Variants in EPS8 observed in about 807,000 individuals in gnomAD.
The protein encoded by EPS8 is EGFR pathway substrate 8, signaling adaptor.
Under a neutral mutation model 103.8 loss-of-function variants are expected in EPS8, and 42 were observed. The ratio of observed to expected loss-of-function variants is 0.40; its 90% CI spans 0.32 to 0.52. The LOEUF (loss-of-function observed/expected upper bound fraction) is 0.52, where lower values mean the gene tolerates loss of function less well. EPS8 is among the 20% of genes least tolerant of loss of function. The pLI is 0.40. For missense variants in EPS8, 969 were observed against 1,005.1 expected, an observed-to-expected ratio of 0.96 and a Z score of 0.49; for synonymous variants, 344 against 344.6, an observed-to-expected ratio of 1.00 and a Z score of 0.02.
At position 15,660,757 on chromosome 12, in the gene EPS8, T is replaced by G. The variant is rs762425417; in HGVS notation, c.811-17A>C. ...TAAGATTTGCTGAAATTAGAAATTA[T>G]AGAATAAAATATAAAACAAAACTAT... On this transcript the variant is annotated splice_polypyrimidine_tract_variant and intron_variant, in intron 9 of 20. Transcript: ENST00000281172. 1 of 1,410,050 alleles carries G rather than the reference T, an allele frequency of 7.1e-7. No homozygotes were observed. Among genetic ancestry groups the G allele is most frequent in the Non-Finnish European group, 9.9e-7 (1 of 1,007,314 alleles). 87.3% of individuals were successfully genotyped at this position (1,410,050 alleles called of 1,614,324 possible).
rs1947001616 is a variant in EPS8 at position 15,757,664 on chromosome 12, A to G, written c.-22+31497T>C. ...AAAGAAAAAGAAAAAGAAAAAGATG[A>G]AGTGGCCACCACTTAAGTGATCAAG... On this transcript the variant is annotated intron_variant, in intron 1 of 20. Coordinates refer to ENST00000281172, the MANE Select transcript of EPS8 (RefSeq NM_004447.6). This position sits in a 1 kb window ranked among gnomAD's most constrained non-coding sequence, Gnocchi z 4.1. Among the ~76,000 whole-genome samples, 1 of 152,038 alleles carries G rather than the reference A, an allele frequency of 6.6e-6. No homozygotes were observed.
intron 1 of EPS8, among the ~76,000 whole-genome samples, chr12:15,711,896 C>T (rs1162460042): frequency 6.6e-6 from 1 of 152,176 alleles, no homozygotes; most frequent in Non-Finnish European, 1.5e-5. Context: ...TACCACATTT[C>T]CCAAGACCAA....
intron 13 of EPS8, among the ~76,000 whole-genome samples, chr12:15,653,884 C>T (rs61908118): frequency 1.8e-3 from 279 of 152,244 alleles, no homozygotes; most frequent in Middle Eastern, 3.4e-3. Flanking sequence ...AGCTAACTAC[C>T]CTCCTGTCTA....
At chr12:15,671,608 T>C (rs1945819202) in intron 3 of EPS8, 1 of 152,140 alleles carries the variant, frequency 6.6e-6, no homozygotes, top group South Asian at 2.1e-4. Context: ...TTTTCTTTTC[T>C]GAAATGCTGC....
rs1946301629 is a variant in EPS8 at position 15,700,794 on chromosome 12, C to G, written c.-21-17822G>C. Among the ~76,000 whole-genome samples, 1 of 151,978 alleles carries G rather than the reference C, an allele frequency of 6.6e-6. No homozygotes were observed. Among genetic ancestry groups the G allele is most frequent in the Admixed American group, 6.6e-5 (1 of 15,250 alleles). ...TCACCAAGACCACTTCCTGAAACACCCAATGTTTTTCTTGGAAGGAAGTCC... is the reference window on the plus strand; with the variant it reads ...TCACCAAGACCACTTCCTGAAACACGCAATGTTTTTCTTGGAAGGAAGTCC... On this transcript the variant is annotated intron_variant, in intron 1 of 20. Transcript: ENST00000281172. The surrounding 1 kb of genome is among the most constrained non-coding windows in gnomAD (Gnocchi z 5.1).
rs970205520 is a variant in EPS8, at chr12:15,749,768, T to G, written c.-22+39393A>C. 6.6e-6 allele frequency among the ~76,000 whole-genome samples: 1 copy of G among 152,230 alleles called. No homozygotes were observed. Among genetic ancestry groups the G allele is most frequent in the Non-Finnish European group, 1.5e-5 (1 of 68,044 alleles). Reference sequence around the variant, plus strand: ...AGTGATTACATGTTGAGATTATAGATATTTTCTTCTTTATTTTCTGTTTTC... The same window carrying G: ...AGTGATTACATGTTGAGATTATAGAGATTTTCTTCTTTATTTTCTGTTTTC... On this transcript the variant is annotated intron_variant, in intron 1 of 20. Coordinates refer to ENST00000281172, the MANE Select transcript of EPS8 (RefSeq NM_004447.6). This position sits in a 1 kb window ranked among gnomAD's most constrained non-coding sequence, Gnocchi z 4.0.
intron 11 of EPS8, 118 bp downstream of exon 11, chr12:15,658,379 C>A: frequency 1.3e-6 from 1 of 778,656 alleles, no homozygotes; most frequent in South Asian, 1.9e-5. Flanking sequence ...AAAACATACA[C>A]ACCCCCACAA....
At position 15,696,305 on chromosome 12, in the gene EPS8, T is replaced by A. The variant is rs1049335166; in HGVS notation, c.-21-13333A>T. On this transcript the variant is annotated intron_variant, in intron 1 of 20. Transcript: ENST00000281172. The surrounding 1 kb of genome is among the most constrained non-coding windows in gnomAD (Gnocchi z 4.8). ...ATGAAGAAACACAAAAATAAAACAG[T>A]AAAATCTATAAAACACTAACTTTAG... 6.6e-6 allele frequency among the ~76,000 whole-genome samples: 1 copy of A among 151,918 alleles called. No homozygotes were observed. The highest frequency in any genetic ancestry group is 6.6e-5 in the Admixed American group (1 of 15,232).
chr12:15,772,241 T>C lies in EPS8; in HGVS notation c.-22+16920A>G, dbSNP rs572103201. Among the ~76,000 whole-genome samples, 1 of 152,048 alleles carries C rather than the reference T, an allele frequency of 6.6e-6. No homozygotes were observed. The highest frequency in any genetic ancestry group is 2.1e-4 in the South Asian group (1 of 4,810). Reference sequence around the variant, plus strand: ...TCATTTGGATAAAAGTCACTCCAAGTAGAGAGACAGAAAGAGATGAGGGGG... The same window carrying C: ...TCATTTGGATAAAAGTCACTCCAAGCAGAGAGACAGAAAGAGATGAGGGGG... On this transcript the variant is annotated intron_variant, in intron 1 of 20. Transcript: ENST00000281172. The surrounding 1 kb of genome is among the most constrained non-coding windows in gnomAD (Gnocchi z 5.0).
At position 15,764,404 on chromosome 12, in the gene EPS8, G is replaced by A. The variant is rs1947072449; in HGVS notation, c.-22+24757C>T. Among the ~76,000 whole-genome samples the A allele has an allele frequency of 1.3e-5, 2 of 152,218 alleles. No homozygotes were observed. The highest frequency in any genetic ancestry group is 2.9e-5 in the Non-Finnish European group (2 of 68,034). On this transcript the variant is annotated intron_variant, in intron 1 of 20. Coordinates refer to ENST00000281172, the MANE Select transcript of EPS8 (RefSeq NM_004447.6). The surrounding 1 kb of genome is among the most constrained non-coding windows in gnomAD (Gnocchi z 4.1). The stretch of plus-strand genomic sequence containing the variant: ...TGAATGACAAGTCAAGAGACAATCT[G>A]TTCAAGTCCACAAGGTTCCAGGCAA...
Position 15,780,525 on chromosome 12 carries a change from CACACAG to C in EPS8, c.-22+8630_-22+8635del, listed in dbSNP as rs1947250215. The C allele has an allele frequency of 1.3e-5, 2 of 152,514 alleles. No homozygotes were observed. Among genetic ancestry groups the C allele is most frequent in the South Asian group, 4.2e-4 (2 of 4,804 alleles). 9.4% of individuals were successfully genotyped at this position (152,514 alleles called of 1,614,324 possible). On this transcript the variant is annotated intron_variant, in intron 1 of 20. Coordinates refer to ENST00000281172, the MANE Select transcript of EPS8 (RefSeq NM_004447.6). The surrounding 1 kb of genome is among the most constrained non-coding windows in gnomAD (Gnocchi z 4.1). Reference sequence around the variant, plus strand: ...ACACACACACACACACACACACACACACACAGGCATACACACTTTTCATTTAACATC... The same window carrying C: ...ACACACACACACACACACACACACACGCATACACACTTTTCATTTAACATC...
rs1324357449 is a variant in EPS8, at chr12:15,785,882, C to T, written c.-22+3279G>A. Among the ~76,000 whole-genome samples the T allele has an allele frequency of 6.6e-6, 1 of 151,262 alleles. No homozygotes were observed. Among genetic ancestry groups the T allele is most frequent in the African/African-American group, 2.4e-5 (1 of 41,146 alleles). On this transcript the variant is annotated intron_variant, in intron 1 of 20. Coordinates refer to ENST00000281172, the MANE Select transcript of EPS8 (RefSeq NM_004447.6). The surrounding 1 kb of genome is among the most constrained non-coding windows in gnomAD (Gnocchi z 4.9). ...TAACAAAGTAGCATTGTATTATAAC[C>T]CAAAATATTTAGATAGATAGATAGA...
chr12:15,660,845 C>G, intron 9 of EPS8, 105 bp from the exon 10 acceptor site: 1 of 624,958 alleles, frequency 1.6e-6, no homozygotes, highest in Non-Finnish European at 2.7e-6. Context: ...AGGAAGCAGC[C>G]CACATGCCAA....
rs1326385498 is a variant in EPS8, at chr12:15,787,390, A to T, written c.-22+1771T>A. On this transcript the variant is annotated intron_variant, in intron 1 of 20. Coordinates refer to ENST00000281172, the MANE Select transcript of EPS8 (RefSeq NM_004447.6). The surrounding 1 kb of genome is among the most constrained non-coding windows in gnomAD (Gnocchi z 4.9). ...TTGAAAGCAGGAAAAAGCTAGAAAT[A>T]AAAACAAAATAAATCTTTAAGTTTG... Among the ~76,000 whole-genome samples the T allele has an allele frequency of 6.6e-6, 1 of 152,218 alleles. No homozygotes were observed. The highest frequency in any genetic ancestry group is 2.4e-5 in the African/African-American group (1 of 41,468).
Position 15,780,853 on chromosome 12 carries a change from A to G in EPS8, c.-22+8308T>C, listed in dbSNP as rs1176186325. On this transcript the variant is annotated intron_variant, in intron 1 of 20. Transcript: ENST00000281172. The surrounding 1 kb of genome is among the most constrained non-coding windows in gnomAD (Gnocchi z 4.1). ...AACAAATGAAATGTAGTAATGCTCA[A>G]CTTCCTATGTGAGGAAAACTCATGC... The G allele has an allele frequency of 6.6e-6, 1 of 152,220 alleles. No homozygotes were observed. The highest frequency in any genetic ancestry group is 2.4e-5 in the African/African-American group (1 of 41,462). 9.4% of individuals were successfully genotyped at this position (152,220 alleles called of 1,614,324 possible). A position where few individuals can be genotyped will look rare whatever the true frequency, so the allele number is the denominator to read the frequency against.
At chr12:15,741,360 G>A (rs1241357295) in intron 1 of EPS8, among the ~76,000 whole-genome samples, 1 of 152,150 alleles carries the variant, frequency 6.6e-6, no homozygotes, top group African/African-American at 2.4e-5. Context: ...AGCCAGCAGT[G>A]AGATGCCACT....
chr12:15,719,091 A>T (rs1946565329), intron 1 of EPS8, among the ~76,000 whole-genome samples: 2 of 152,136 alleles, frequency 1.3e-5, no homozygotes, highest in African/African-American at 4.8e-5. Flanking sequence ...GTGAATGCTG[A>T]TAAGGTGTCC....
intron 1 of EPS8, among the ~76,000 whole-genome samples, chr12:15,723,391 C>T (rs947157696): frequency 1.3e-5 from 2 of 152,238 alleles, no homozygotes; most frequent in Admixed American, 1.3e-4. Context: ...GGTATCCTTT[C>T]TTTAAAACCA....
chr12:15,646,837 G>T (rs1455316556), intron 15 of EPS8, among the ~76,000 whole-genome samples: 3 of 152,206 alleles, frequency 2.0e-5, no homozygotes, highest in Non-Finnish European at 4.4e-5. Flanking sequence ...CTAATGGAGG[G>T]TTTCAAGACA....
Sources: allele counts gnomAD v4.1 joint callset (sites outside exome capture counted in the v4.1 genomes callset), GRCh38; gene constraint gnomAD v4.1.1; non-coding constraint Gnocchi (gnomAD v3.1); transcripts MANE v1.5; gene names NCBI Gene and HGNC (gene_info 2026-07-23, HGNC 2026-07-21).